PRELID3A: variants seen among roughly 807,000 people sequenced by gnomAD.
The protein encoded by PRELID3A is PRELI domain containing 3A.
Under a neutral mutation model 23.0 loss-of-function variants are expected in PRELID3A, and 27 were observed. The ratio of observed to expected loss-of-function variants is 1.17; its 90% CI spans 0.87 to 1.62. PRELID3A has a LOEUF of 1.62. PRELID3A is among the 40% of genes most tolerant of loss of function. PRELID3A has a pLI of 0.00. For missense variants in PRELID3A, 231 were observed against 231.4 expected (o/e 1.00, Z 0.01); for synonymous variants, 87 against 86.4 (o/e 1.01, Z -0.04).
At chr18:12,408,289 C>A (rs1909791088) in intron 1 of PRELID3A, among the ~76,000 whole-genome samples, 2 of 151,480 alleles carry the variant, frequency 1.3e-5, no homozygotes, top group Admixed American at 1.3e-4. Flanking sequence ...TGGTCGACAG[C>A]CAGGGCGGGG....
At chr18:12,428,740 C>T (rs1461171427) in intron 5 of PRELID3A, among the ~76,000 whole-genome samples, 1 of 152,180 alleles carries the variant, frequency 6.6e-6, no homozygotes, top group Admixed American at 6.5e-5. Context: ...CCGGATCTCA[C>T]CCATCGTTGT....
chr18:12,421,214 T>A (rs2030170551), intron 2 of PRELID3A: 1 of 301,676 alleles, frequency 3.3e-6, no homozygotes, highest in Non-Finnish European at 6.1e-6. Flanking sequence ...ACCCCAGCAC[T>A]ATGGTGGTAC....
intron 1 of PRELID3A, among the ~76,000 whole-genome samples, chr18:12,412,496 T>A (rs931793664): frequency 6.6e-6 from 1 of 152,224 alleles, no homozygotes; most frequent in African/African-American, 2.4e-5. Flanking sequence ...CCCTATTGTT[T>A]TTCGAAAATC....
chr18:12,421,693 C>A, intron 3 of PRELID3A, 64 bp downstream of exon 3: 2 of 1,064,730 alleles, frequency 1.9e-6, no homozygotes, highest in Non-Finnish European at 2.9e-6. Context: ...GTAAGGCCTT[C>A]GTTTAATTCT....
At chr18:12,426,883 T>C (rs761147238) in intron 3 of PRELID3A, among the ~76,000 whole-genome samples, 158 bp from the exon 4 acceptor site, 2 of 152,174 alleles carry the variant, frequency 1.3e-5, no homozygotes, top group South Asian at 2.1e-4. Context: ...AGCAAAACCA[T>C]GGTTTCCTAG....
At chr18:12,415,964 A>G (rs892844625) in intron 1 of PRELID3A, among the ~76,000 whole-genome samples, 1 of 152,202 alleles carries the variant, frequency 6.6e-6, no homozygotes, top group Non-Finnish European at 1.5e-5. Context: ...GATTCCCCAG[A>G]GGTCTCCACG....
intron 1 of PRELID3A, 159 bp from the exon 2 acceptor site, chr18:12,420,166 G>C: frequency 1.4e-6 from 2 of 1,429,194 alleles, no homozygotes; most frequent in Non-Finnish European, 1.8e-6. Context: ...GCCGGCGGCC[G>C]GGGAGGGCTC....
At position 12,427,249 on chromosome 18, in the gene PRELID3A, A is replaced by G; in HGVS notation, c.391A>G (p.Thr131Ala). 6.2e-7 allele frequency: 1 copy of G among 1,614,114 alleles called. No individual in the cohort carries two copies. The highest frequency in any genetic ancestry group is 8.5e-7 in the Non-Finnish European group (1 of 1,180,004). ...CGTGCTCACACAAGAAGCCATCATC[A>G]CTGTGAAGGGGATTAGCCTTGGTAG... is the stretch of plus-strand genomic sequence containing the variant. ...MTVLTQEAII[T>A]VKGISLGSYL... is the part of the protein sequence containing the mutation. Residue 131 changes from threonine (T) to alanine (A), a missense_variant, in exon 5 of 7, where the codon ACT (threonine) becomes GCT (alanine). Thr to Ala is a moderately conservative substitution (Grantham distance 58). Transcript: ENST00000440960.
intron 3 of PRELID3A, among the ~76,000 whole-genome samples, chr18:12,426,563 A>AAAAAAAAAAAAAAAAAAAAAAG (rs67993774): frequency 0.011 from 1,000 of 87,622 alleles, 95 homozygotes; most frequent in African/African-American, 0.013. Flanking sequence ...CAAAAAAAAA[A>AAAAAAAAAAAAAAAAAAAAAAG]AAAGTATAAA....
At chr18:12,424,974 C>G (rs561674913) in intron 3 of PRELID3A, among the ~76,000 whole-genome samples, 1 of 152,220 alleles carries the variant, frequency 6.6e-6, no homozygotes, top group African/African-American at 2.4e-5. Context: ...AAAACCCCAT[C>G]TCTACTAAAA....
At chr18:12,426,340 G>A (rs2030367341) in intron 3 of PRELID3A, among the ~76,000 whole-genome samples, 1 of 151,144 alleles carries the variant, frequency 6.6e-6, no homozygotes, top group Admixed American at 6.6e-5. Context: ...GGATCACGAG[G>A]TCAGGAGATC....
chr18:12,429,516 C>T (rs544775178), intron 6 of PRELID3A, 80 bp downstream of exon 6: 31 of 889,444 alleles, frequency 3.5e-5, no homozygotes, highest in East Asian at 8.0e-5. Flanking sequence ...GGTGAGGGGA[C>T]GCCAGAAGTA....
At chr18:12,420,246 G>C in intron 1 of PRELID3A, 79 bp from the exon 2 acceptor site, 1 of 1,501,864 alleles carries the variant, frequency 6.7e-7, no homozygotes, top group Non-Finnish European at 8.9e-7. Flanking sequence ...GCCCAGGCCT[G>C]GCGGCGGCTT....
intron 2 of PRELID3A, 88 bp downstream of exon 2, chr18:12,420,581 AGT>A: frequency 8.6e-7 from 1 of 1,164,860 alleles, no homozygotes. Context: ...TCCCCTCATC[AGT>A]GCCTCTGCTG....
At chr18:12,421,481 TG>T (rs2030179646) in intron 2 of PRELID3A, 58 bp from the exon 3 acceptor site, 2 of 979,228 alleles carry the variant, frequency 2.0e-6, no homozygotes, top group African/African-American at 1.6e-5. Flanking sequence ...TGGTATTCGG[TG>T]GTGATATGAA....
At chr18:12,427,434 T>G in intron 5 of PRELID3A, 111 bp downstream of exon 5, 1 of 868,398 alleles carries the variant, frequency 1.2e-6, no homozygotes, top group African/African-American at 1.7e-5. Context: ...TGGTGGCTCA[T>G]GTCTGTAATC....
chr18:12,411,333 G>A (rs1156493520), intron 1 of PRELID3A, among the ~76,000 whole-genome samples: 1 of 151,740 alleles, frequency 6.6e-6, no homozygotes, highest in African/African-American at 2.4e-5. Flanking sequence ...GGGCGTGGTG[G>A]CGGGTGCCTG....
intron 2 of PRELID3A, chr18:12,421,148 T>TC (rs1159802367): frequency 5.3e-6 from 1 of 188,114 alleles, no homozygotes; most frequent in Non-Finnish European, 1.1e-5. Context: ...GGCCTCTCAG[T>TC]CAGCCCAGCT....
At chr18:12,416,396 A>ACC (rs1211883911) in intron 1 of PRELID3A, among the ~76,000 whole-genome samples, 1 of 151,902 alleles carries the variant, frequency 6.6e-6, no homozygotes, top group Non-Finnish European at 1.5e-5. Context: ...TGCAGCCTCG[A>ACC]CCTCCGGTCT....
Sources: gnomAD v4.1 joint callset for allele counts (sites outside exome capture counted in the v4.1 genomes callset) on GRCh38, gnomAD v4.1.1 for gene constraint, MANE v1.5 for transcripts, NCBI Gene and HGNC (gene_info 2026-07-23, HGNC 2026-07-21) for gene names.